Variants in SARS2 observed in about 807,000 individuals in gnomAD.
The protein encoded by SARS2 is serine--tRNA ligase, mitochondrial.
Under a neutral mutation model 66.8 loss-of-function variants are expected in SARS2, and 52 were observed. The ratio of observed to expected loss-of-function variants is 0.78; its 90% CI spans 0.62 to 0.98. The LOEUF is 0.98. Ranked by LOEUF, SARS2 falls within the 50% of genes least tolerant of loss-of-function variation. SARS2 has a pLI of 0.00. For missense variants in SARS2, 673 were observed against 706.3 expected, an observed-to-expected ratio of 0.95 and a Z score of 0.53; for synonymous variants, 306 against 281.4, an observed-to-expected ratio of 1.09 and a Z score of -0.87.
intron 2 of SARS2, 78 bp downstream of exon 2, chr19:38,926,127 T>C: frequency 8.0e-7 from 1 of 1,250,562 alleles, no homozygotes; most frequent in East Asian, 2.3e-5. Flanking sequence ...TTCAAGTTCT[T>C]TAAATTCGGT....
intron 1 of SARS2, chr19:38,930,242 C>G (rs1373161682): frequency 3.4e-6 from 2 of 585,196 alleles, no homozygotes; most frequent in African/African-American, 3.7e-5. Context: ...ATGAAACAAG[C>G]GCATAATGGG....
chr19:38,924,042 G>T (rs754462986), intron 2 of SARS2, among the ~76,000 whole-genome samples: 57 of 151,880 alleles, frequency 3.8e-4, no homozygotes, highest in Middle Eastern at 6.8e-3. Context: ...TGAGGCACGA[G>T]AATCCCTTGA....
At chr19:38,926,163 C>T in intron 2 of SARS2, 42 bp downstream of exon 2, 1 of 1,506,282 alleles carries the variant, frequency 6.6e-7, no homozygotes, top group Non-Finnish European at 9.2e-7. Flanking sequence ...TCTAGAGACA[C>T]CCTCGTGGCC....
intron 11 of SARS2, 40 bp downstream of exon 11, chr19:38,917,881 G>GC: frequency 6.2e-7 from 1 of 1,612,662 alleles, no homozygotes; most frequent in Non-Finnish European, 8.5e-7. Context: ...TCTTGGGGTG[G>GC]CCCCCCACCC....
At chr19:38,927,989 C>T (rs1452373127) in intron 1 of SARS2, among the ~76,000 whole-genome samples, 1 of 152,164 alleles carries the variant, frequency 6.6e-6, no homozygotes, top group Non-Finnish European at 1.5e-5. Flanking sequence ...GCCAAGACTG[C>T]ACCACTGCAC....
chr19:38,918,638 G>T, intron 8 of SARS2, 108 bp from the exon 9 acceptor site: 1 of 1,385,676 alleles, frequency 7.2e-7, no homozygotes, highest in Non-Finnish European at 1.0e-6. Flanking sequence ...AGCTGCCCTG[G>T]CCTCCCTGGT....
At chr19:38,930,201 C>T (rs1163168009) in intron 1 of SARS2, 4 of 475,684 alleles carry the variant, frequency 8.4e-6, no homozygotes, top group African/African-American at 3.9e-5. Context: ...ATAGCAAGTT[C>T]CTAAAGGACA....
Position 38,916,135 on chromosome 19 carries a change from G to A in SARS2, c.1255-6C>T. ...CAGTTGGAAGCACTGGTGACCTGGG[G>A]TGGAGGAGCGGCAGGCTGAGCGGAT... On this transcript the variant is annotated splice_region_variant and splice_polypyrimidine_tract_variant and intron_variant, in intron 13 of 15. Transcript: ENST00000221431. 1.9e-6 allele frequency: 3 copies of A among 1,613,940 alleles called. No individual in the cohort carries two copies. Among genetic ancestry groups the A allele is most frequent in the Non-Finnish European group, 2.5e-6 (3 of 1,179,954 alleles).
At chr19:38,919,253 C>A (rs1404513768) in intron 7 of SARS2, among the ~76,000 whole-genome samples, 1 of 152,236 alleles carries the variant, frequency 6.6e-6, no homozygotes, top group African/African-American at 2.4e-5. Flanking sequence ...CACCACTGTA[C>A]TCCAGCCTGG....
At chr19:38,929,274 T>G (rs1974685617) in intron 1 of SARS2, among the ~76,000 whole-genome samples, 1 of 147,708 alleles carries the variant, frequency 6.8e-6, no homozygotes, top group Non-Finnish European at 1.5e-5. Flanking sequence ...GATTGTGGAG[T>G]CTGGGTGTGG....
At chr19:38,925,340 C>T (rs1974609122) in intron 2 of SARS2, among the ~76,000 whole-genome samples, 2 of 152,074 alleles carry the variant, frequency 1.3e-5, no homozygotes, top group African/African-American at 4.8e-5. Flanking sequence ...ATAAAGATCC[C>T]TTCTTCCTCC....
Position 38,918,081 on chromosome 19 carries a change from A to T in SARS2, c.962+13T>A. On this transcript the variant is annotated intron_variant, in intron 10 of 15. Coordinates refer to ENST00000221431, the MANE Select transcript of SARS2 (RefSeq NM_017827.4). ...CACAGGTGGGGTCAAGGTCTAAGGA[A>T]ACCAGGTGTCACCTGACTGGCAGGT... is the stretch of plus-strand genomic sequence containing the variant. 6.2e-7 allele frequency: 1 copy of T among 1,606,442 alleles called. No homozygotes were observed. The highest frequency in any genetic ancestry group is 8.5e-7 in the Non-Finnish European group (1 of 1,176,640).
chr19:38,930,362 A>G, intron 1 of SARS2, 108 bp downstream of exon 1: 1 of 1,406,078 alleles, frequency 7.1e-7, no homozygotes, highest in South Asian at 1.4e-5. Context: ...CTTGGGAAAT[A>G]ACTAAAATTC....
Position 38,930,732 on chromosome 19 carries a change from G to A in SARS2, c.5C>T (p.Ala2Val). Reference sequence around the variant, plus strand: ...CCACAAGCGCCGCGCCATGGACGCAGCCATCTTGGACCGGGAACAAGGCGG... The same window carrying A: ...CCACAAGCGCCGCGCCATGGACGCAACCATCTTGGACCGGGAACAAGGCGG... M[A>V]ASMARRLWPL... is the part of the protein sequence containing the mutation. The change falls in exon 1 of 16, where the codon GCT (alanine) becomes GTT (valine). Residue 2 changes from alanine (A) to valine (V), a missense_variant. Transcript: ENST00000221431. The A allele has an allele frequency of 6.2e-7, 1 of 1,613,186 alleles. No homozygotes were observed. Among genetic ancestry groups the A allele is most frequent in the Non-Finnish European group, 8.5e-7 (1 of 1,180,026 alleles).
intron 12 of SARS2, among the ~76,000 whole-genome samples, chr19:38,917,221 A>G (rs962950970): frequency 6.9e-4 from 105 of 152,268 alleles, no homozygotes; most frequent in African/African-American, 2.5e-3. Flanking sequence ...TGGCCTCCCA[A>G]AGTGCTGGAA....
rs556892787 is a variant in SARS2 at position 38,916,067 on chromosome 19, G to C, written c.1317C>G (p.Thr439=). 34 of 1,613,708 alleles carry C rather than the reference G, an allele frequency of 2.1e-5. 1 individual carries two copies. The highest frequency in any genetic ancestry group is 2.7e-5 in the Non-Finnish European group (32 of 1,179,962). The change falls in exon 14 of 16, where the codon ACC becomes ACG. Residue 439 remains threonine (T), a synonymous_variant. Coordinates refer to ENST00000221431, the MANE Select transcript of SARS2 (RefSeq NM_017827.4). The part of the protein sequence containing the change: ...QSRRLHIMFQ[T]EAGELQFAHT... ...GGGCAAACTGCAGCTCCCCAGCCTC[G>C]GTCTGGAACATGATGTGGAGGCGGC...
At chr19:38,930,372 C>A in intron 1 of SARS2, 98 bp downstream of exon 1, 3 of 1,443,624 alleles carry the variant, frequency 2.1e-6, no homozygotes, top group Non-Finnish European at 2.8e-6. Flanking sequence ...AACTAAAATT[C>A]CTACTACAGG....
intron 12 of SARS2, 27 bp downstream of exon 12, chr19:38,917,697 C>CCAAA: frequency 4.3e-6 from 4 of 933,394 alleles, no homozygotes; most frequent in Non-Finnish European, 6.9e-6. Flanking sequence ...CCCCTGCCAT[C>CCAAA]CCTGGATCCC....
intron 12 of SARS2, among the ~76,000 whole-genome samples, chr19:38,917,228 G>A (rs1393840657): frequency 1.3e-5 from 2 of 152,204 alleles, no homozygotes; most frequent in Non-Finnish European, 2.9e-5. Flanking sequence ...CCAAAGTGCT[G>A]GAATTACAGG....
Sources: allele counts gnomAD v4.1 joint callset (sites outside exome capture counted in the v4.1 genomes callset), GRCh38; gene constraint gnomAD v4.1.1; transcripts MANE v1.5; gene names NCBI Gene and HGNC (gene_info 2026-07-23, HGNC 2026-07-21).